RXRG: variants seen among roughly 807,000 people sequenced by gnomAD.
RXRG encodes the protein retinoid X receptor gamma, also known as retinoic acid receptor RXR-gamma.
Under a neutral mutation model 49.2 loss-of-function variants are expected in RXRG, and 19 were observed. That is an observed-to-expected ratio of 0.39 (90% CI 0.27 to 0.57). The LOEUF is 0.57. Ranked by LOEUF, RXRG falls within the 20% of genes least tolerant of loss-of-function variation. The pLI is 0.64. For missense variants in RXRG, 452 were observed against 592.5 expected (o/e 0.76, Z 2.46); for synonymous variants, 224 against 216.6 (o/e 1.03, Z -0.30).
At chr1:165,415,813 C>T (rs1571272346) in intron 4 of RXRG, among the ~76,000 whole-genome samples, 2 of 152,100 alleles carry the variant, frequency 1.3e-5, no homozygotes, top group Admixed American at 6.5e-5. Context: ...AATGTCACAG[C>T]GAGGGCCATC....
intron 9 of RXRG, among the ~76,000 whole-genome samples, chr1:165,403,706 A>G (rs1444803964): frequency 1.3e-5 from 2 of 152,250 alleles, no homozygotes; most frequent in African/African-American, 4.8e-5. Context: ...AAGTAGGCAA[A>G]GGAAACAGCT....
chr1:165,440,693 G>A (rs888720254), intron 1 of RXRG, among the ~76,000 whole-genome samples: 13 of 151,926 alleles, frequency 8.6e-5, no homozygotes, highest in Non-Finnish European at 1.6e-4. Flanking sequence ...TCATTCCCTG[G>A]GCCTCTGTGT....
intron 1 of RXRG, among the ~76,000 whole-genome samples, chr1:165,435,578 A>G (rs567079662): frequency 6.6e-6 from 1 of 152,282 alleles, no homozygotes; most frequent in East Asian, 1.9e-4. Flanking sequence ...AAATGGGTGG[A>G]TTATATGTAA....
chr1:165,428,645 G>T, intron 2 of RXRG, 74 bp downstream of exon 2: 1 of 1,510,372 alleles, frequency 6.6e-7, no homozygotes, highest in Non-Finnish European at 8.9e-7. Flanking sequence ...CTGAGTGCTG[G>T]TTCTGCTCCA....
intron 4 of RXRG, among the ~76,000 whole-genome samples, chr1:165,413,872 A>G (rs1210691860): frequency 6.6e-6 from 1 of 152,190 alleles, no homozygotes; most frequent in Non-Finnish European, 1.5e-5. Context: ...TAGCTTTAAC[A>G]TTATTTATCC....
intron 1 of RXRG, among the ~76,000 whole-genome samples, chr1:165,440,389 G>T (rs996664065): frequency 6.6e-6 from 1 of 152,146 alleles, no homozygotes; most frequent in African/African-American, 2.4e-5. Flanking sequence ...AAAATGCTTA[G>T]CACCAGAAGT....
chr1:165,443,499 G>A (rs1052028152), intron 1 of RXRG, among the ~76,000 whole-genome samples: 1 of 152,020 alleles, frequency 6.6e-6, no homozygotes, highest in African/African-American at 2.4e-5. Context: ...ACATCACCTC[G>A]GGAACATTTC....
chr1:165,423,166 G>A (rs1658375821), intron 2 of RXRG, among the ~76,000 whole-genome samples: 1 of 152,218 alleles, frequency 6.6e-6, no homozygotes, highest in South Asian at 2.1e-4. Context: ...TGGGCTCAGA[G>A]CAATGGCAGA....
chr1:165,433,696 G>C (rs1658743144), intron 1 of RXRG, among the ~76,000 whole-genome samples: 2 of 152,208 alleles, frequency 1.3e-5, no homozygotes, highest in Non-Finnish European at 2.9e-5. Flanking sequence ...AATGTTTCGT[G>C]AGCATTGGGT....
chr1:165,443,759 T>C (rs1659075107), intron 1 of RXRG, among the ~76,000 whole-genome samples: 4 of 152,220 alleles, frequency 2.6e-5, no homozygotes, highest in Admixed American at 6.5e-5. Context: ...TGTGTCACCA[T>C]GCCTCCCAGG....
chr1:165,401,455 C>T (rs1657563072), intron 9 of RXRG, 45 bp from the exon 10 acceptor site: 2 of 1,606,992 alleles, frequency 1.2e-6, no homozygotes, highest in African/African-American at 1.3e-5. Flanking sequence ...CGGGCAGGCA[C>T]TGCACACCTG....
At position 165,411,753 on chromosome 1, in the gene RXRG, A is replaced by G. The variant is rs559276449; in HGVS notation, c.623-644T>C. ...TACATAGGCAAAGGTGTAGGCTGAA[A>G]TTATCTCAGCCTCTCCAAAGCTTAG... On this transcript the variant is annotated intron_variant, in intron 4 of 9. Transcript: ENST00000359842. Among the ~76,000 whole-genome samples the G allele has an allele frequency of 2.0e-5, 3 of 152,230 alleles. No homozygotes were observed. In the East Asian group the frequency reaches 5.8e-4, roughly 29 times the overall value.
intron 4 of RXRG, among the ~76,000 whole-genome samples, chr1:165,416,789 G>A (rs931707468): frequency 6.6e-6 from 1 of 152,186 alleles, no homozygotes; most frequent in African/African-American, 2.4e-5. Context: ...GGAGGAAGAT[G>A]CCTCTTGCCC....
At position 165,422,128 on chromosome 1, in the gene RXRG, C is replaced by T. The variant is rs150795596; in HGVS notation, c.298-2114G>A. Among the ~76,000 whole-genome samples the T allele has an allele frequency of 1.7e-4, 26 of 152,284 alleles. 1 individual carries two copies. The South Asian group carries it at 2.3e-3, about 13-fold the overall frequency. ...CAAGGGGTCCTCACCCTTCCTTCTCCTCCGACCCTCAACTCCAGCAGGACC... is the reference window on the plus strand; with the variant it reads ...CAAGGGGTCCTCACCCTTCCTTCTCTTCCGACCCTCAACTCCAGCAGGACC... On this transcript the variant is annotated intron_variant, in intron 2 of 9. Transcript: ENST00000359842.
In RXRG at chr1:165,409,632, G is replaced by T. The variant is rs374650630; in HGVS notation, c.972C>A (p.Gly324=). 2.5e-6 allele frequency: 4 copies of T among 1,582,394 alleles called. No homozygotes were observed. Among genetic ancestry groups the T allele is most frequent in the Non-Finnish European group, 3.4e-6 (4 of 1,164,344 alleles). The change falls in exon 7 of 10, where the codon GGC becomes GGA. Residue 324 remains glycine (G), a synonymous_variant. Coordinates refer to ENST00000359842, the MANE Select transcript of RXRG (RefSeq NM_006917.5). The part of the protein sequence containing the change: ...FSHRSVSVQD[G]ILLATGLHVH... Reference sequence around the variant, plus strand: ...CATGTAAACCCGTGGCCAGAAGGATGCCATCCTGCACGGAAACTGAGCGGT... The same window carrying T: ...CATGTAAACCCGTGGCCAGAAGGATTCCATCCTGCACGGAAACTGAGCGGT...
intron 8 of RXRG, among the ~76,000 whole-genome samples, 173 bp downstream of exon 8, chr1:165,408,054 T>C (rs1434074526): frequency 6.6e-6 from 1 of 152,090 alleles, no homozygotes; most frequent in Admixed American, 6.6e-5. Flanking sequence ...CCTGCCACAC[T>C]CATTCAAAAC....
intron 1 of RXRG, chr1:165,436,855 A>T: frequency 1.0e-6 from 1 of 983,874 alleles, no homozygotes; most frequent in Non-Finnish European, 1.2e-6. Context: ...GGACAGCAAG[A>T]GTTTCAAGGT....
At chr1:165,437,103 T>C in intron 1 of RXRG, 1 of 1,363,228 alleles carries the variant, frequency 7.3e-7, no homozygotes, top group Non-Finnish European at 9.8e-7. Context: ...ACTAGTGTCA[T>C]GGGGAAGCAG....
chr1:165,421,683 C>T (rs948989777), intron 2 of RXRG, among the ~76,000 whole-genome samples: 2 of 152,038 alleles, frequency 1.3e-5, no homozygotes, highest in Admixed American at 6.6e-5. Flanking sequence ...GAGCATGCCA[C>T]GACACTTAGC....
Sources: gnomAD v4.1 joint callset for allele counts (sites outside exome capture counted in the v4.1 genomes callset) on GRCh38, gnomAD v4.1.1 for gene constraint, MANE v1.5 for transcripts, NCBI Gene and HGNC (gene_info 2026-07-23, HGNC 2026-07-21) for gene names.